Variants in USP32 observed in about 807,000 individuals in gnomAD.
The protein encoded by USP32 is ubiquitin specific peptidase 32, also known as ubiquitin carboxyl-terminal hydrolase 32.
In USP32, 59 loss-of-function variants were observed where a neutral mutation model predicts 204.8. The observed-to-expected ratio is 0.29, with a 90% confidence interval of 0.23 to 0.36. The LOEUF (loss-of-function observed/expected upper bound fraction) is 0.36, where lower values mean the gene tolerates loss of function less well. USP32 is among the 10% of genes least tolerant of loss of function. The pLI is 1.00. For missense variants in USP32, 1,160 were observed against 1,946.4 expected (o/e 0.60, Z 7.60); for synonymous variants, 517 against 678.4 (o/e 0.76, Z 3.70).
At chr17:60,346,931 C>CCAAG (rs1441397663) in intron 1 of USP32, among the ~76,000 whole-genome samples, 5 of 152,114 alleles carry the variant, frequency 3.3e-5, no homozygotes, top group African/African-American at 1.2e-4. Context: ...GGCAGCAAGA[C>CCAAG]CAAGTCACAG....
intron 33 of USP32, among the ~76,000 whole-genome samples, chr17:60,180,048 CAG>C (rs1398226291): frequency 6.6e-6 from 1 of 150,466 alleles, no homozygotes; most frequent in Non-Finnish European, 1.5e-5. Flanking sequence ...TTTCTTGAGA[CAG>C]AGTCTTGCTC....
chr17:60,421,772 T>C, intron 1 of USP32: 1 of 903,978 alleles, frequency 1.1e-6, no homozygotes, highest in Non-Finnish European at 1.3e-6. Flanking sequence ...CGGCCTCGGG[T>C]CCCTGGAGGG....
At chr17:60,369,949 A>C (rs1296972583) in intron 1 of USP32, among the ~76,000 whole-genome samples, 1 of 152,176 alleles carries the variant, frequency 6.6e-6, no homozygotes, top group Non-Finnish European at 1.5e-5. Flanking sequence ...TATGTTGCCT[A>C]GGCTAGTCTC....
intron 5 of USP32, among the ~76,000 whole-genome samples, chr17:60,282,492 T>G (rs1432847282): frequency 6.6e-6 from 1 of 152,210 alleles, no homozygotes; most frequent in Admixed American, 6.5e-5. Context: ...TAGCTGGGAC[T>G]ACAGGCACAT....
At chr17:60,306,502 G>A (rs534395907) in intron 2 of USP32, among the ~76,000 whole-genome samples, 4 of 152,228 alleles carry the variant, frequency 2.6e-5, no homozygotes, top group Admixed American at 2.0e-4. Context: ...GCTGGGCGTT[G>A]TGGTGGGCGC....
chr17:60,376,700 T>C (rs1285655786), intron 1 of USP32, among the ~76,000 whole-genome samples: 2 of 151,842 alleles, frequency 1.3e-5, no homozygotes, highest in Non-Finnish European at 2.9e-5. Context: ...ATTTTTGTAT[T>C]TTTAGTAGAC....
intron 32 of USP32, 48 bp downstream of exon 32, chr17:60,181,276 G>A: frequency 2.6e-6 from 4 of 1,562,606 alleles, no homozygotes; most frequent in Non-Finnish European, 3.5e-6. Flanking sequence ...GAAGACAAGT[G>A]AACAAAACAC....
intron 21 of USP32, 27 bp from the exon 22 acceptor site, chr17:60,209,570 A>C (rs1244685307): frequency 6.6e-7 from 1 of 1,509,330 alleles, no homozygotes; most frequent in Non-Finnish European, 8.8e-7. Context: ...AGTCACAGTC[A>C]TTATTTCCTA....
At chr17:60,205,845 C>T (rs1269220758) in intron 25 of USP32, among the ~76,000 whole-genome samples, 187 bp from the exon 26 acceptor site, 1 of 152,180 alleles carries the variant, frequency 6.6e-6, no homozygotes, top group Non-Finnish European at 1.5e-5. Flanking sequence ...CTAACTCACA[C>T]TTTTGGCCAA....
At chr17:60,319,783 A>C (rs962227672) in intron 2 of USP32, among the ~76,000 whole-genome samples, 2 of 152,206 alleles carry the variant, frequency 1.3e-5, no homozygotes, top group African/African-American at 4.8e-5. Context: ...CCATCTCAAA[A>C]ATAAAAATAA....
At chr17:60,340,134 G>A (rs1315385627) in intron 2 of USP32, among the ~76,000 whole-genome samples, 1 of 151,894 alleles carries the variant, frequency 6.6e-6, no homozygotes, top group African/African-American at 2.4e-5. Flanking sequence ...AACTCACAAG[G>A]GTCATATGCA....
intron 1 of USP32, among the ~76,000 whole-genome samples, chr17:60,414,608 T>C (rs1302938242): frequency 6.6e-6 from 1 of 151,492 alleles, no homozygotes; most frequent in East Asian, 2.0e-4. Flanking sequence ...TTTGTATTTT[T>C]AGTAGAGACG....
chr17:60,394,562 C>G (rs1262144373), upstream of USP32, among the ~76,000 whole-genome samples: 1 of 152,016 alleles, frequency 6.6e-6, no homozygotes, highest in Non-Finnish European at 1.5e-5. Flanking sequence ...AGAATATGAC[C>G]GCATGTGTCG....
Position 60,222,453 on chromosome 17 carries a change from C to T in USP32, c.1705G>A (p.Ala569Thr). The change falls in exon 15 of 34, where the codon GCA becomes ACA. Residue 569 changes from alanine to threonine, a missense_variant. Ala to Thr is a moderately conservative substitution (Grantham distance 58). Around this residue, in one of 8 missense-constraint regions of USP32, gnomAD observed 536 missense variants for 680.9 expected, o/e 0.79. Coordinates refer to ENST00000300896, the MANE Select transcript of USP32 (RefSeq NM_032582.4). ...YEMVPEPVWRALYHWYGANLA... is the reference protein window; with the variant it reads ...YEMVPEPVWRTLYHWYGANLA... ...TTTGCTCCATACCAGTGATAAAGTG[C>T]TCTCCACACAGGTTCTGGGACCATT... The T allele has an allele frequency of 6.2e-7, 1 of 1,614,110 alleles. No homozygotes were observed. The highest frequency in any genetic ancestry group is 8.5e-7 in the Non-Finnish European group (1 of 1,179,982).
At chr17:60,334,860 C>G (rs887891907) in intron 2 of USP32, among the ~76,000 whole-genome samples, 2 of 142,982 alleles carry the variant, frequency 1.4e-5, no homozygotes, top group Admixed American at 1.4e-4. Flanking sequence ...GGGGTTTCAC[C>G]ATGTTGGTCA....
In USP32 at chr17:60,269,340, G is replaced by A. The variant is rs2086672304; in HGVS notation, c.811+110C>T. On this transcript the variant is annotated intron_variant, in intron 7 of 33. Coordinates refer to ENST00000300896, the MANE Select transcript of USP32 (RefSeq NM_032582.4). Reference sequence around the variant, plus strand: ...ACATGAGATTAATATTTGTTAATCTGACAAAGTTATAAAAATTCAAGCCTT... The same window carrying A: ...ACATGAGATTAATATTTGTTAATCTAACAAAGTTATAAAAATTCAAGCCTT... The A allele has an allele frequency of 1.3e-4, 103 of 796,794 alleles. 4 individuals carry two copies. In the South Asian group the frequency reaches 1.8e-3, roughly 14 times the overall value. 49.4% of individuals were successfully genotyped at this position (796,794 alleles called of 1,614,324 possible). A position where few individuals can be genotyped will look rare whatever the true frequency, so the allele number is the denominator to read the frequency against.
chr17:60,393,761 C>T (rs1383192314), upstream of USP32, among the ~76,000 whole-genome samples: 2 of 151,812 alleles, frequency 1.3e-5, no homozygotes, highest in African/African-American at 2.4e-5. Flanking sequence ...CTCGACTCAC[C>T]GCAACCTCTG....
At chr17:60,348,208 G>A (rs1407730416) in intron 1 of USP32, among the ~76,000 whole-genome samples, 1 of 152,088 alleles carries the variant, frequency 6.6e-6, no homozygotes, top group African/African-American at 2.4e-5. Flanking sequence ...AATGCAATGG[G>A]GTTTTAGAAT....
At chr17:60,247,714 C>T (rs993970744) in intron 11 of USP32, among the ~76,000 whole-genome samples, 1 of 151,754 alleles carries the variant, frequency 6.6e-6, no homozygotes, top group Non-Finnish European at 1.5e-5. Context: ...GACAGAGTCT[C>T]ATTCTGTTGC....
Sources: gnomAD v4.1 joint callset for allele counts (sites outside exome capture counted in the v4.1 genomes callset) on GRCh38, gnomAD v4.1.1 for gene constraint, gnomAD v4.1.1 regional missense constraint, MANE v1.5 for transcripts, NCBI Gene and HGNC (gene_info 2026-07-23, HGNC 2026-07-21) for gene names.